Variants in DSCAM observed in about 807,000 individuals in gnomAD.
DSCAM encodes cell adhesion molecule DSCAM.
In DSCAM, 47 loss-of-function variants were observed where a neutral mutation model predicts 217.7. That is an observed-to-expected ratio of 0.22 (90% CI 0.17 to 0.28). The LOEUF is 0.28. DSCAM is among the 10% of genes least tolerant of loss of function. The pLI, the probability that DSCAM is intolerant of heterozygous loss-of-function variation, is 1.00. For synonymous variants in DSCAM, 1,056 were observed against 1,015.3 expected, an observed-to-expected ratio of 1.04 and a Z score of -0.76; for missense variants, 2,080 against 2,618.3, an observed-to-expected ratio of 0.79 and a Z score of 4.49.
chr21:40,484,030 C>A (rs1331318307), intron 3 of DSCAM, among the ~76,000 whole-genome samples: 1 of 152,182 alleles, frequency 6.6e-6, no homozygotes, highest in Non-Finnish European at 1.5e-5. Context: ...TTCTACGGGG[C>A]AGGATGTAGG....
intron 3 of DSCAM, among the ~76,000 whole-genome samples, chr21:40,550,949 C>G (rs941690732): frequency 1.3e-5 from 2 of 152,234 alleles, no homozygotes; most frequent in Non-Finnish European, 2.9e-5. Context: ...TTGGCTGAGA[C>G]TCAGCTACTT....
chr21:40,412,136 G>A lies in DSCAM; in HGVS notation c.509-42891C>T, dbSNP rs147792168. Among the ~76,000 whole-genome samples the A allele has an allele frequency of 3.4e-3, 518 of 152,288 alleles. 2 individuals are homozygous for A. Among genetic ancestry groups the A allele is most frequent in the Middle Eastern group, 0.014 (4 of 294 alleles). ...CTGCCATGATTTTGAGGCTCCCCCAGCCATGTGGAACTGTAGGTCCAGTTA... is the reference window on the plus strand; with the variant it reads ...CTGCCATGATTTTGAGGCTCCCCCAACCATGTGGAACTGTAGGTCCAGTTA... On this transcript the variant is annotated intron_variant, in intron 3 of 32. Coordinates refer to ENST00000400454, the MANE Select transcript of DSCAM (RefSeq NM_001389.5).
intron 32 of DSCAM, among the ~76,000 whole-genome samples, chr21:40,029,467 C>T (rs1398143609): frequency 6.6e-6 from 1 of 151,716 alleles, no homozygotes; most frequent in Admixed American, 6.6e-5. Context: ...TGCCTGGTGC[C>T]AACTTGTTAA....
chr21:40,809,523 A>G (rs1175423640), intron 1 of DSCAM, among the ~76,000 whole-genome samples: 1 of 152,202 alleles, frequency 6.6e-6, no homozygotes, highest in East Asian at 1.9e-4. Flanking sequence ...ATCGCTCAAT[A>G]AAGATGTTAA....
intron 11 of DSCAM, among the ~76,000 whole-genome samples, chr21:40,268,911 G>A (rs2073577041): frequency 2.0e-5 from 3 of 152,138 alleles, no homozygotes; most frequent in Non-Finnish European, 4.4e-5. Flanking sequence ...GCCACCATAT[G>A]TGCCCAGGTC....
intron 1 of DSCAM, among the ~76,000 whole-genome samples, chr21:40,793,300 CA>C (rs2091663232): frequency 6.6e-6 from 1 of 152,116 alleles, no homozygotes; most frequent in Non-Finnish European, 1.5e-5. Flanking sequence ...TACAAAAGAT[CA>C]TGATCTCATT....
At chr21:40,248,014 C>T (rs2073249323) in intron 11 of DSCAM, among the ~76,000 whole-genome samples, 1 of 152,186 alleles carries the variant, frequency 6.6e-6, no homozygotes, top group Non-Finnish European at 1.5e-5. Context: ...GGGCTTGCAC[C>T]CTCTGAAGCC....
At chr21:40,635,589 G>T (rs1369686941) in intron 3 of DSCAM, among the ~76,000 whole-genome samples, 1 of 152,154 alleles carries the variant, frequency 6.6e-6, no homozygotes, top group East Asian at 1.9e-4. Flanking sequence ...GCATGTGTGT[G>T]CATGTGTGTG....
At chr21:40,493,513 TACA>T (rs1432437295) in intron 3 of DSCAM, among the ~76,000 whole-genome samples, 1 of 152,148 alleles carries the variant, frequency 6.6e-6, no homozygotes, top group East Asian at 1.9e-4. Flanking sequence ...TAATATTAGC[TACA>T]ACAATTTGTT....
chr21:40,206,675 C>A (rs2091129698), intron 11 of DSCAM, among the ~76,000 whole-genome samples: 2 of 145,352 alleles, frequency 1.4e-5, no homozygotes. Context: ...CTTGCTTTTC[C>A]TGGGATTTGC....
chr21:40,015,274 C>T lies in DSCAM; in HGVS notation c.5687-1888G>A, dbSNP rs574910528. Among the ~76,000 whole-genome samples, 3 of 152,252 alleles carry T rather than the reference C, an allele frequency of 2.0e-5. No homozygotes were observed. The South Asian group carries it at 6.2e-4, about 32-fold the overall frequency. Reference sequence around the variant, plus strand: ...TCAGTTAATGAAGGCCAACCCCATCCCCTCCCAATCCCAAATACTGCTTCT... The same window carrying T: ...TCAGTTAATGAAGGCCAACCCCATCTCCTCCCAATCCCAAATACTGCTTCT... On this transcript the variant is annotated intron_variant, in intron 32 of 32. Transcript: ENST00000400454.
chr21:40,586,979 A>G (rs1372106637), intron 3 of DSCAM, among the ~76,000 whole-genome samples: 1 of 152,232 alleles, frequency 6.6e-6, no homozygotes, highest in Non-Finnish European at 1.5e-5. Flanking sequence ...ACAAAAATAA[A>G]GAAGAGCAGA....
At chr21:40,069,746 A>C (rs1424787233) in intron 27 of DSCAM, among the ~76,000 whole-genome samples, 1 of 152,182 alleles carries the variant, frequency 6.6e-6, no homozygotes, top group Non-Finnish European at 1.5e-5. Flanking sequence ...CTTTCTGTGG[A>C]ATTGAAATAG....
At chr21:40,286,948 A>C (rs976531903) in intron 10 of DSCAM, among the ~76,000 whole-genome samples, 8 of 151,334 alleles carry the variant, frequency 5.3e-5, no homozygotes, top group Admixed American at 1.3e-4. Context: ...CTGCAGTGTG[A>C]TCCATGGTGT....
chr21:40,549,335 G>T (rs1442330261), intron 3 of DSCAM, among the ~76,000 whole-genome samples: 1 of 151,930 alleles, frequency 6.6e-6, no homozygotes, highest in Non-Finnish European at 1.5e-5. Flanking sequence ...ACAGACCAAG[G>T]TATTACATTT....
intron 3 of DSCAM, among the ~76,000 whole-genome samples, chr21:40,369,713 G>A (rs759263926): frequency 1.1e-4 from 17 of 151,930 alleles, no homozygotes; most frequent in Admixed American, 4.6e-4. Context: ...AGTTTAAAAT[G>A]TTTCAATAAA....
intron 1 of DSCAM, among the ~76,000 whole-genome samples, chr21:40,717,668 G>A (rs768234940): frequency 1.3e-5 from 2 of 152,218 alleles, no homozygotes; most frequent in African/African-American, 2.4e-5. Context: ...ACTGGGTAAC[G>A]GGACAGGATA....
chr21:40,234,111 C>T (rs1369725794), intron 11 of DSCAM, among the ~76,000 whole-genome samples: 1 of 152,218 alleles, frequency 6.6e-6, no homozygotes, highest in Admixed American at 6.5e-5. Context: ...AACATGGCTG[C>T]ATTCTCAGAA....
At chr21:40,272,238 TC>T (rs1260060586) in intron 11 of DSCAM, among the ~76,000 whole-genome samples, 1 of 152,144 alleles carries the variant, frequency 6.6e-6, no homozygotes, top group Non-Finnish European at 1.5e-5. Flanking sequence ...CAGAGCCTAC[TC>T]CCTCTGCCTT....
Sources: allele counts gnomAD v4.1 joint callset (sites outside exome capture counted in the v4.1 genomes callset), GRCh38; gene constraint gnomAD v4.1.1; transcripts MANE v1.5; gene names NCBI Gene and HGNC (gene_info 2026-07-23, HGNC 2026-07-21).